PCDHGA3: variants seen among roughly 807,000 people sequenced by gnomAD.
PCDHGA3 encodes the protein protocadherin gamma subfamily A, 3, also known as protocadherin gamma-A3.
PCDHGA3 carries 40 observed loss-of-function variants against 58.5 expected under a neutral mutation model. The observed-to-expected ratio is 0.68, with a 90% CI of 0.53 to 0.89. PCDHGA3 has a LOEUF of 0.89. Among genes scored for constraint, PCDHGA3 ranks in the 40% least tolerant of loss-of-function variants. The pLI is 0.00. For synonymous variants in PCDHGA3, 530 were observed against 525.7 expected, an observed-to-expected ratio of 1.01 and a Z score of -0.11; for missense variants, 1,223 against 1,195.9, an observed-to-expected ratio of 1.02 and a Z score of -0.33.
chr5:141,432,049 G>T lies in PCDHGA3; in HGVS notation c.2425-62758G>T. The T allele has an allele frequency of 7.4e-6, 12 of 1,614,150 alleles. No individual in the cohort carries two copies. Among genetic ancestry groups the T allele is most frequent in the Non-Finnish European group, 1.0e-5 (12 of 1,180,028 alleles). Reference sequence around the variant, plus strand: ...TGACCGCCACTGACCGGGGAACCCCGCCCCTATCCACGGAAACTCATATCT... The same window carrying T: ...TGACCGCCACTGACCGGGGAACCCCTCCCCTATCCACGGAAACTCATATCT... On this transcript the variant is annotated intron_variant, in intron 1 of 3. Coordinates refer to ENST00000253812, the MANE Select transcript of PCDHGA3 (RefSeq NM_018916.4). The surrounding 1 kb of genome is among the most constrained non-coding windows in gnomAD (Gnocchi z 6.0).
intron 1 of PCDHGA3, among the ~76,000 whole-genome samples, chr5:141,474,029 C>T (rs1047673843): frequency 6.6e-6 from 1 of 152,092 alleles, no homozygotes; most frequent in Non-Finnish European, 1.5e-5. Context: ...ATGATTATTC[C>T]ACTGTACTCC....
chr5:141,372,860 A>T (rs1224709282), intron 1 of PCDHGA3: 1 of 1,419,644 alleles, frequency 7.0e-7, no homozygotes, highest in African/African-American at 1.4e-5. Context: ...GTTTCAATTC[A>T]TTGATTTAGA....
At chr5:141,397,627 T>C (rs2093547800) in intron 1 of PCDHGA3, among the ~76,000 whole-genome samples, 1 of 152,224 alleles carries the variant, frequency 6.6e-6, no homozygotes, top group African/African-American at 2.4e-5. Context: ...TAGTTCTAGC[T>C]AAGAGTTCAA....
In PCDHGA3 at chr5:141,432,167, T is replaced by G. The variant is rs559707772; in HGVS notation, c.2425-62640T>G. The G allele has an allele frequency of 1.4e-5, 22 of 1,613,962 alleles. No homozygotes were observed. The highest frequency in any genetic ancestry group is 9.3e-5 in the African/African-American group (7 of 74,972). On this transcript the variant is annotated intron_variant, in intron 1 of 3. Coordinates refer to ENST00000253812, the MANE Select transcript of PCDHGA3 (RefSeq NM_018916.4). The surrounding 1 kb of genome is among the most constrained non-coding windows in gnomAD (Gnocchi z 6.0). Reference sequence around the variant, plus strand: ...CCCAGAGAACAATCCCAGAGGAGTTTCCCTCGTCTCTGTGACCGCCCACGA... The same window carrying G: ...CCCAGAGAACAATCCCAGAGGAGTTGCCCTCGTCTCTGTGACCGCCCACGA...
chr5:141,403,370 G>T (rs752870915), intron 1 of PCDHGA3: 25 of 1,614,064 alleles, frequency 1.5e-5, no homozygotes, highest in Non-Finnish European at 1.9e-5. Flanking sequence ...AAGTCTGGAA[G>T]TAAAAATTAA....
intron 1 of PCDHGA3, chr5:141,352,652 CCTT>C: frequency 6.2e-7 from 1 of 1,601,014 alleles, no homozygotes; most frequent in Non-Finnish European, 8.5e-7. Context: ...CGCTTATGAC[CCTT>C]CTTTGTCTTC....
chr5:141,372,173 G>T, intron 1 of PCDHGA3: 1 of 1,613,722 alleles, frequency 6.2e-7, no homozygotes, highest in Non-Finnish European at 8.5e-7. Context: ...AGGTGGTGGC[G>T]GTGGACGCAG....
intron 1 of PCDHGA3, among the ~76,000 whole-genome samples, chr5:141,492,869 A>G (rs975868829): frequency 6.6e-6 from 1 of 152,010 alleles, no homozygotes; most frequent in African/African-American, 2.4e-5. Context: ...CTGGCTCTCA[A>G]CCCCCAGAGA....
Position 141,344,552 on chromosome 5 carries a change from C to T in PCDHGA3, c.519C>T (p.Ser173=). The change falls in exon 1 of 4, where the codon AGC becomes AGT. Residue 173 remains serine, a synonymous_variant. Transcript: ENST00000253812. ...ACTCCCTGCAGAACTACAAGCTTAG[C>T]CCCAATGACTACTTCTCTCTGGCTG... ...GINSLQNYKL[S]PNDYFSLAVN... is the part of the protein sequence containing the mutation. 1 of 1,614,024 alleles carries T rather than the reference C, an allele frequency of 6.2e-7. No homozygotes were observed. Among genetic ancestry groups the T allele is most frequent in the South Asian group, 1.1e-5 (1 of 91,078 alleles).
chr5:141,422,800 C>A (rs1470748782), intron 1 of PCDHGA3: 1 of 1,614,094 alleles, frequency 6.2e-7, no homozygotes, highest in Non-Finnish European at 8.5e-7. Flanking sequence ...CGACTATGAG[C>A]AGTTTCGAGA....
chr5:141,370,215 C>T (rs1430823989), intron 1 of PCDHGA3: 3 of 566,618 alleles, frequency 5.3e-6, no homozygotes, highest in East Asian at 5.9e-5. Flanking sequence ...TTGGCTCCTC[C>T]CGCTGCAGCC....
At chr5:141,388,956 G>C (rs1010974359) in intron 1 of PCDHGA3, 1 of 1,613,846 alleles carries the variant, frequency 6.2e-7, no homozygotes, top group Non-Finnish European at 8.5e-7. Context: ...TATGGAGGAC[G>C]CCGAGCTGGG....
At chr5:141,401,900 AATT>A (rs1215744256) in intron 1 of PCDHGA3, among the ~76,000 whole-genome samples, 1 of 152,196 alleles carries the variant, frequency 6.6e-6, no homozygotes, top group Non-Finnish European at 1.5e-5. Flanking sequence ...CTTTTTCCCA[AATT>A]ATTATATAAG....
chr5:141,366,328 C>T (rs778365263), intron 1 of PCDHGA3: 1 of 1,613,870 alleles, frequency 6.2e-7, no homozygotes, highest in Non-Finnish European at 8.5e-7. Context: ...CCGTGGCCGA[C>T]AGGATCCCTG....
At position 141,345,864 on chromosome 5, in the gene PCDHGA3, G is replaced by C; in HGVS notation, c.1831G>C (p.Ala611Pro). The change falls in exon 1 of 4, where the codon GCC (alanine) becomes CCC (proline). Residue 611 changes from alanine (A) to proline (P), a missense_variant. By Grantham distance (27) the Ala-to-Pro change is conservative (BLOSUM62 -1). Coordinates refer to ENST00000253812, the MANE Select transcript of PCDHGA3 (RefSeq NM_018916.4). Reference sequence around the variant, plus strand: ...CTGGCTGTCCTACCGCCTGCTCAAGGCCAGCGAGCCGGGACTCTTCTCGGT... The same window carrying C: ...CTGGCTGTCCTACCGCCTGCTCAAGCCCAGCGAGCCGGGACTCTTCTCGGT... ...NAWLSYRLLK[A>P]SEPGLFSVGL... The C allele has an allele frequency of 3.1e-6, 5 of 1,613,400 alleles. No homozygotes were observed. The South Asian group carries it at 5.5e-5, about 18-fold the overall frequency.
chr5:141,372,044 G>T (rs758767680), intron 1 of PCDHGA3: 2 of 1,613,384 alleles, frequency 1.2e-6, no homozygotes, highest in Non-Finnish European at 1.7e-6. Context: ...GCCTGCGCGT[G>T]TTGGTGGACG....
intron 1 of PCDHGA3, chr5:141,416,359 A>G (rs1215806118): frequency 6.6e-6 from 1 of 152,228 alleles, no homozygotes; most frequent in Non-Finnish European, 1.5e-5. Flanking sequence ...TGAGGAGGCT[A>G]TAGAGGGTGA....
chr5:141,345,613 A>G lies in PCDHGA3; in HGVS notation c.1580A>G (p.Asp527Gly). The G allele has an allele frequency of 6.2e-7, 1 of 1,614,080 alleles. No homozygotes were observed. Among genetic ancestry groups the G allele is most frequent in the East Asian group, 2.2e-5 (1 of 44,872 alleles). ...TCCTTCGACTACGAGCAATTTAGAG[A>G]CTTAAAGCTACTGGTGACAGCCAGC... ...LRSFDYEQFR[D>G]LKLLVTASDS... is the part of the protein sequence containing the mutation. Residue 527 changes from aspartate (D) to glycine (G), a missense_variant, in exon 1 of 4, where the codon GAC (aspartate) becomes GGC (glycine). By Grantham distance (94) the Asp-to-Gly change is moderately conservative (BLOSUM62 -1). Around this residue, in one of 3 missense-constraint regions of PCDHGA3, gnomAD observed 791 missense variants for 708.5 expected, o/e 1.12. Transcript: ENST00000253812.
chr5:141,383,377 C>G (rs527434740), intron 1 of PCDHGA3: 1 of 1,614,010 alleles, frequency 6.2e-7, no homozygotes, highest in African/African-American at 1.3e-5. Context: ...GGCTGGGGAT[C>G]CAGATGTGGG....
Sources: gnomAD v4.1 joint callset for allele counts (sites outside exome capture counted in the v4.1 genomes callset) on GRCh38, gnomAD v4.1.1 for gene constraint, gnomAD v4.1.1 regional missense constraint, Gnocchi (gnomAD v3.1) non-coding constraint, MANE v1.5 for transcripts, NCBI Gene and HGNC (gene_info 2026-07-23, HGNC 2026-07-21) for gene names.